The following MAGI1 variants were observed in gnomAD, a reference collection of about 807,000 sequenced individuals.
MAGI1 encodes the protein membrane-associated guanylate kinase, WW and PDZ domain-containing protein 1.
In MAGI1, 58 loss-of-function variants were observed where a neutral mutation model predicts 139.9. The ratio of observed to expected loss-of-function variants is 0.41; its 90% CI spans 0.34 to 0.52. The LOEUF is 0.52. MAGI1 is among the 20% of genes least tolerant of loss of function. The pLI is 0.12. For missense variants in MAGI1, 1,874 were observed against 1,901.6 expected (o/e 0.99, Z 0.27); for synonymous variants, 812 against 737.9 (o/e 1.10, Z -1.63).
At chr3:65,971,243 A>G (rs977832005) in intron 1 of MAGI1, among the ~76,000 whole-genome samples, 4 of 152,196 alleles carry the variant, frequency 2.6e-5, no homozygotes, top group Admixed American at 2.6e-4. Flanking sequence ...CATTTGATGA[A>G]TCATTATTTA....
intron 12 of MAGI1, among the ~76,000 whole-genome samples, chr3:65,405,646 G>A (rs1377548946): frequency 1.3e-5 from 2 of 151,876 alleles, no homozygotes; most frequent in Non-Finnish European, 2.9e-5. Flanking sequence ...CCAGGCTGGA[G>A]TACAATGGTG....
At position 65,357,026 on chromosome 3, in the gene MAGI1, T is replaced by G; in HGVS notation, c.3741A>C (p.Pro1247=). 1 of 1,613,870 alleles carries G rather than the reference T, an allele frequency of 6.2e-7. No individual in the cohort carries two copies. The highest frequency in any genetic ancestry group is 8.5e-7 in the Non-Finnish European group (1 of 1,179,950). Residue 1247 remains proline (P), a synonymous_variant, in exon 23 of 23, where the codon CCA becomes CCC. Coordinates refer to ENST00000402939, the MANE Select transcript of MAGI1 (RefSeq NM_001033057.2). ...RQHPSLESSY[P]PDLHKSSPHG... Reference sequence around the variant, plus strand: ...GTGGTGATGATTTGTGAAGATCGGGTGGGTAACTGGACTCCAATGACGGAT... The same window carrying G: ...GTGGTGATGATTTGTGAAGATCGGGGGGGTAACTGGACTCCAATGACGGAT...
At chr3:65,581,552 C>A (rs1366244793) in intron 2 of MAGI1, among the ~76,000 whole-genome samples, 8 of 152,130 alleles carry the variant, frequency 5.3e-5, no homozygotes, top group Admixed American at 5.2e-4. Context: ...GCTATTCATA[C>A]AATTTAGGCA....
intron 1 of MAGI1, among the ~76,000 whole-genome samples, chr3:65,648,386 G>A (rs943165535): frequency 6.6e-6 from 1 of 152,086 alleles, no homozygotes; most frequent in South Asian, 2.1e-4. Flanking sequence ...CTGGACTCAA[G>A]GGATCTTCCT....
At chr3:65,976,724 G>C (rs1429234448) in intron 1 of MAGI1, among the ~76,000 whole-genome samples, 2 of 152,154 alleles carry the variant, frequency 1.3e-5, no homozygotes, top group Non-Finnish European at 2.9e-5. Flanking sequence ...CCTCACGTTT[G>C]ACTTTGAACC....
At chr3:65,700,565 T>G (rs1394771241) in intron 1 of MAGI1, among the ~76,000 whole-genome samples, 5 of 152,194 alleles carry the variant, frequency 3.3e-5, no homozygotes, top group Admixed American at 2.0e-4. Context: ...GTTTTAAATA[T>G]TTTCCTAAAA....
intron 1 of MAGI1, among the ~76,000 whole-genome samples, chr3:65,659,302 C>T (rs1435775951): frequency 3.3e-5 from 5 of 151,884 alleles, no homozygotes; most frequent in Admixed American, 6.6e-5. Flanking sequence ...ACATAACTAG[C>T]AAAAAAGAGA....
chr3:65,951,047 G>C (rs1029230339), intron 1 of MAGI1, among the ~76,000 whole-genome samples: 1 of 149,026 alleles, frequency 6.7e-6, no homozygotes, highest in East Asian at 2.0e-4. Flanking sequence ...AAAGGAGGGA[G>C]GGAGGGAGGA....
chr3:65,613,369 G>A (rs1032926468), intron 2 of MAGI1, among the ~76,000 whole-genome samples: 1 of 152,122 alleles, frequency 6.6e-6, no homozygotes, highest in Non-Finnish European at 1.5e-5. Context: ...GGTGAGGTCT[G>A]ATCTAACATG....
intron 22 of MAGI1, 127 bp downstream of exon 22, chr3:65,361,072 T>C (rs561629611): frequency 2.4e-5 from 38 of 1,569,180 alleles, no homozygotes; most frequent in Non-Finnish European, 3.3e-5. Context: ...AATAATCACA[T>C]GGTGCGAGAG....
intron 1 of MAGI1, among the ~76,000 whole-genome samples, chr3:65,973,887 T>C (rs1020185582): frequency 1.1e-4 from 16 of 152,124 alleles, no homozygotes; most frequent in African/African-American, 3.6e-4. Flanking sequence ...GGGAAAAAAA[T>C]GTAAACAGTG....
At chr3:65,549,213 C>T (rs1431855553) in intron 2 of MAGI1, among the ~76,000 whole-genome samples, 2 of 152,158 alleles carry the variant, frequency 1.3e-5, no homozygotes, top group South Asian at 2.1e-4. Flanking sequence ...CTTGAACGCC[C>T]GGGCGGGCGG....
At chr3:65,957,768 GTTGTT>G (rs1353855500) in intron 1 of MAGI1, among the ~76,000 whole-genome samples, 1 of 151,912 alleles carries the variant, frequency 6.6e-6, no homozygotes, top group Non-Finnish European at 1.5e-5. Flanking sequence ...TGTTGTTGTT[GTTGTT>G]TTGTTTTGTT....
At chr3:65,987,032 G>A (rs909110843) in intron 1 of MAGI1, among the ~76,000 whole-genome samples, 2 of 152,082 alleles carry the variant, frequency 1.3e-5, no homozygotes, top group East Asian at 1.9e-4. Flanking sequence ...CACCATGTTC[G>A]GCTAAATTTT....
chr3:65,774,938 ATGT>A (rs1330979707), intron 1 of MAGI1, among the ~76,000 whole-genome samples: 1 of 152,208 alleles, frequency 6.6e-6, no homozygotes, highest in Non-Finnish European at 1.5e-5. Flanking sequence ...TAGGATAAAA[ATGT>A]TGTCAACATC....
At chr3:66,022,379 A>G (rs1288444544) in intron 1 of MAGI1, among the ~76,000 whole-genome samples, 2 of 152,114 alleles carry the variant, frequency 1.3e-5, no homozygotes, top group Non-Finnish European at 2.9e-5. Flanking sequence ...TATTTTCCCG[A>G]TTTTTCTCTT....
At chr3:65,425,133 CAAAAAAAA>C (rs72130952) in intron 12 of MAGI1, among the ~76,000 whole-genome samples, 4 of 74,828 alleles carry the variant, frequency 5.3e-5, no homozygotes, top group Non-Finnish European at 8.6e-5. Flanking sequence ...AAAAAAAAAA[CAAAAAAAA>C]ACACACATGC....
intron 1 of MAGI1, among the ~76,000 whole-genome samples, chr3:65,638,817 G>A (rs897122550): frequency 6.6e-6 from 1 of 151,690 alleles, no homozygotes; most frequent in Admixed American, 6.6e-5. Flanking sequence ...ATGTTGGCCA[G>A]GCTGGTCTTG....
chr3:66,033,810 T>C (rs577631950), intron 1 of MAGI1, among the ~76,000 whole-genome samples: 6 of 152,208 alleles, frequency 3.9e-5, no homozygotes, highest in Non-Finnish European at 7.4e-5. Flanking sequence ...CCTGCAAAAA[T>C]ATGTAAGCAT....
Sources: allele counts gnomAD v4.1 joint callset (sites outside exome capture counted in the v4.1 genomes callset), GRCh38; gene constraint gnomAD v4.1.1; transcripts MANE v1.5; gene names NCBI Gene and HGNC (gene_info 2026-07-23, HGNC 2026-07-21).